The following PDE8B variants were observed in gnomAD, a reference collection of about 807,000 sequenced individuals.
PDE8B encodes phosphodiesterase 8B, also known as high affinity cAMP-specific and IBMX-insensitive 3',5'-cyclic phosphodiesterase 8B.
Under a neutral mutation model 101.3 loss-of-function variants are expected in PDE8B, and 26 were observed. The ratio of observed to expected loss-of-function variants is 0.26; its 90% CI spans 0.19 to 0.36. PDE8B has a LOEUF of 0.36. PDE8B is among the 10% of genes least tolerant of loss of function. The pLI is 1.00. For missense variants in PDE8B, 810 were observed against 1,163.1 expected (o/e 0.70, Z 4.42); for synonymous variants, 424 against 429.3 (o/e 0.99, Z 0.15).
the PDE8B span, chr5:77,146,806 C>T: frequency 2.9e-6 from 1 of 347,520 alleles, no homozygotes; most frequent in South Asian, 2.9e-5. Flanking sequence ...TATATCCCTC[C>T]TAAAGATCCC....
rs552150160 is a variant in PDE8B, at chr5:77,250,638, G to C, written c.339+39374G>C. 2.6e-4 allele frequency among the ~76,000 whole-genome samples: 40 copies of C among 152,304 alleles called. No individual in the cohort carries two copies. In the South Asian group the frequency reaches 8.3e-3, roughly 32 times the overall value. On this transcript the variant is annotated intron_variant, in intron 1 of 21. Transcript: ENST00000264917. ...TTGTATTTTTGCCTGCCCAGTGATA[G>C]TTCCCTTTGCAGGGTCCACAATCAG...
chr5:77,364,223 T>C (rs1783691856), intron 10 of PDE8B, among the ~76,000 whole-genome samples: 1 of 152,214 alleles, frequency 6.6e-6, no homozygotes, highest in Non-Finnish European at 1.5e-5. Flanking sequence ...ATGTCAGCTC[T>C]GACTGCAGCA....
At chr5:77,330,987 A>G (rs925850937) in intron 4 of PDE8B, among the ~76,000 whole-genome samples, 1 of 152,018 alleles carries the variant, frequency 6.6e-6, no homozygotes, top group Non-Finnish European at 1.5e-5. Flanking sequence ...TGTCTTCCTC[A>G]TGTTGAGAGC....
chr5:77,119,999 TAAACA>T, the PDE8B span, among the ~76,000 whole-genome samples: 2 of 150,768 alleles, frequency 1.3e-5, no homozygotes, highest in Non-Finnish European at 3.0e-5. Context: ...ACCTTGTTTC[TAAACA>T]AAACAAAACA....
At chr5:77,259,449 C>T (rs999057881) in intron 1 of PDE8B, among the ~76,000 whole-genome samples, 8 of 152,200 alleles carry the variant, frequency 5.3e-5, no homozygotes, top group Non-Finnish European at 8.8e-5. Context: ...AACCCTTCTG[C>T]ACCTTCTCTG....
chr5:77,361,933 A>G (rs1783180835), intron 10 of PDE8B, among the ~76,000 whole-genome samples: 1 of 152,186 alleles, frequency 6.6e-6, no homozygotes, highest in Non-Finnish European at 1.5e-5. Context: ...AAACCAGCAA[A>G]AGCATTTTGT....
intron 1 of PDE8B, among the ~76,000 whole-genome samples, chr5:77,256,312 C>T (rs1310558191): frequency 6.6e-6 from 1 of 152,148 alleles, no homozygotes; most frequent in Non-Finnish European, 1.5e-5. Flanking sequence ...CACGCATGCT[C>T]ACACACATTT....
chr5:77,336,848 A>G lies in PDE8B; in HGVS notation c.709-379A>G, dbSNP rs544920782. 2.0e-5 allele frequency among the ~76,000 whole-genome samples: 3 copies of G among 152,358 alleles called. No individual in the cohort carries two copies. In the South Asian group the frequency reaches 6.2e-4, roughly 32 times the overall value. The stretch of plus-strand genomic sequence containing the variant: ...GTAAAGAGTAGGCTCTCCCTTCCAA[A>G]GAGATCATTGATAATGTGGTGCACA... On this transcript the variant is annotated intron_variant, in intron 5 of 21. Transcript: ENST00000264917.
the PDE8B span, among the ~76,000 whole-genome samples, chr5:77,153,701 A>C: frequency 6.6e-6 from 1 of 151,198 alleles, no homozygotes; most frequent in Non-Finnish European, 1.5e-5. Context: ...CAGCCTCCGG[A>C]GTAGCTGGGA....
At chr5:77,331,497 G>A (rs1386514274) in intron 5 of PDE8B, 38 bp downstream of exon 5, 2 of 1,503,822 alleles carry the variant, frequency 1.3e-6, no homozygotes, top group Admixed American at 1.7e-5. Flanking sequence ...TCAGTTGCAG[G>A]CACCTTAACC....
intron 1 of PDE8B, among the ~76,000 whole-genome samples, chr5:77,243,440 A>T (rs1162521820): frequency 6.6e-6 from 1 of 152,214 alleles, no homozygotes; most frequent in Non-Finnish European, 1.5e-5. Flanking sequence ...TTATGGCAAC[A>T]TCACTACAAT....
At chr5:77,160,802 C>T in the PDE8B span, among the ~76,000 whole-genome samples, 1 of 151,918 alleles carries the variant, frequency 6.6e-6, no homozygotes, top group African/African-American at 2.4e-5. Flanking sequence ...AGAAGTGGGC[C>T]ACCATGCCTG....
At chr5:77,284,532 A>G (rs961643698) in intron 1 of PDE8B, among the ~76,000 whole-genome samples, 1 of 152,242 alleles carries the variant, frequency 6.6e-6, no homozygotes, top group East Asian at 1.9e-4. Flanking sequence ...TTTAAAAGTC[A>G]TAAGTATACA....
chr5:77,209,816 A>G (rs902728720), upstream of PDE8B, among the ~76,000 whole-genome samples: 7 of 152,198 alleles, frequency 4.6e-5, no homozygotes, highest in African/African-American at 1.7e-4. Flanking sequence ...AAAGCCAAGA[A>G]CCATCAGACA....
chr5:77,220,317 G>A (rs1750827255), intron 1 of PDE8B, among the ~76,000 whole-genome samples: 1 of 152,218 alleles, frequency 6.6e-6, no homozygotes, highest in Non-Finnish European at 1.5e-5. Context: ...GAGGGCAAGG[G>A]AGTGTGATCC....
At chr5:77,344,479 A>C (rs1779804118) in intron 6 of PDE8B, among the ~76,000 whole-genome samples, 1 of 152,242 alleles carries the variant, frequency 6.6e-6, no homozygotes, top group Non-Finnish European at 1.5e-5. Flanking sequence ...TGAGAAGTCC[A>C]AGATCAAGGT....
the PDE8B span, among the ~76,000 whole-genome samples, chr5:77,092,078 G>T: frequency 6.6e-6 from 1 of 152,276 alleles, no homozygotes; most frequent in Non-Finnish European, 1.5e-5. Flanking sequence ...TTTGAAAGTG[G>T]CAGCATTTAA....
intron 3 of PDE8B, among the ~76,000 whole-genome samples, chr5:77,327,588 C>T (rs2150252229): frequency 6.6e-6 from 1 of 152,258 alleles, no homozygotes; most frequent in Non-Finnish European, 1.5e-5. Flanking sequence ...CTCTAAAACA[C>T]TATGTATTTT....
the PDE8B span, among the ~76,000 whole-genome samples, chr5:77,158,936 C>T: frequency 1.3e-5 from 2 of 152,226 alleles, no homozygotes; most frequent in East Asian, 1.9e-4. Flanking sequence ...GGAAATGGCC[C>T]GGTGACTCCA....
Sources: allele counts gnomAD v4.1 joint callset (sites outside exome capture counted in the v4.1 genomes callset), GRCh38; gene constraint gnomAD v4.1.1; transcripts MANE v1.5; gene names NCBI Gene and HGNC (gene_info 2026-07-23, HGNC 2026-07-21).